The following CHCHD6 variants were observed in gnomAD, a reference collection of about 807,000 sequenced individuals.
The protein encoded by CHCHD6 is coiled-coil-helix-coiled-coil-helix domain containing 6.
A neutral mutation model predicts 32.3 loss-of-function variants in CHCHD6; 28 were observed. The ratio of observed to expected loss-of-function variants is 0.87; its 90% CI spans 0.64 to 1.19. The LOEUF (loss-of-function observed/expected upper bound fraction) is 1.19, where lower values mean the gene tolerates loss of function less well. CHCHD6 is among the 50% of genes most tolerant of loss of function. The probability of loss-of-function intolerance (pLI) is 0.00; values close to 1 mark genes in which losing one functional copy is unlikely to be tolerated. For missense variants in CHCHD6, 333 were observed against 307.0 expected, an observed-to-expected ratio of 1.08 and a Z score of -0.63; for synonymous variants, 122 against 117.5, an observed-to-expected ratio of 1.04 and a Z score of -0.25.
intron 5 of CHCHD6, among the ~76,000 whole-genome samples, chr3:126,903,977 C>T (rs900581982): frequency 4.5e-4 from 68 of 152,334 alleles, no homozygotes; most frequent in African/African-American, 1.6e-3. Context: ...TTACCTTTCA[C>T]GTACCATAGC....
intron 4 of CHCHD6, among the ~76,000 whole-genome samples, chr3:126,741,341 A>AAT (rs1936280912): frequency 6.7e-6 from 1 of 148,414 alleles, no homozygotes; most frequent in South Asian, 2.1e-4. Flanking sequence ...CAAATCAGTG[A>AAT]TTTTTTTTTT....
chr3:126,953,023 A>C, intron 6 of CHCHD6: 1 of 985,442 alleles, frequency 1.0e-6, no homozygotes, highest in East Asian at 1.1e-4. Flanking sequence ...TGATTCCTTC[A>C]GGGCCACACT....
chr3:126,838,359 G>A (rs1290966416), intron 4 of CHCHD6, among the ~76,000 whole-genome samples: 1 of 152,148 alleles, frequency 6.6e-6, no homozygotes, highest in African/African-American at 2.4e-5. Flanking sequence ...TGGAAAGTGA[G>A]GAAGATGACC....
rs561149993 is a variant in CHCHD6, at chr3:126,960,332, C to A, written c.*131C>A. The stretch of plus-strand genomic sequence containing the variant: ...CATATGCCCCTGAGCCTGGGGCTGC[C>A]ACGTGTTTAGGAAACAAAGTATGCG... On this transcript the variant is annotated 3_prime_UTR_variant, in exon 8 of 8. Transcript: ENST00000290913. The A allele has an allele frequency of 1.9e-6, 2 of 1,074,142 alleles. No homozygotes were observed. The highest frequency in any genetic ancestry group is 1.4e-5 in the South Asian group (1 of 73,130). 66.5% of individuals were successfully genotyped at this position (1,074,142 alleles called of 1,614,324 possible). A position where few individuals can be genotyped will look rare whatever the true frequency, so the allele number is the denominator to read the frequency against.
chr3:126,734,050 GAA>G, intron 4 of CHCHD6, among the ~76,000 whole-genome samples: 1 of 152,286 alleles, frequency 6.6e-6, no homozygotes, highest in South Asian at 2.1e-4. Context: ...CTCAGTAGAA[GAA>G]GAGAGGCTGT....
chr3:126,956,600 CGAGAGAGA>C (rs58750065), intron 6 of CHCHD6, among the ~76,000 whole-genome samples: 82,532 of 149,660 alleles, frequency 0.55, 24,501 homozygotes, highest in Non-Finnish European at 0.67. Context: ...AGTGTGCGCA[CGAGAGAGA>C]GAGAGAGAGA....
intron 6 of CHCHD6, among the ~76,000 whole-genome samples, chr3:126,920,913 A>G (rs2078237191): frequency 6.6e-6 from 1 of 152,174 alleles, no homozygotes; most frequent in African/African-American, 2.4e-5. Flanking sequence ...CTCAAGTCCT[A>G]GTTGCGTTGG....
At chr3:126,832,289 A>G (rs1173647383) in intron 4 of CHCHD6, among the ~76,000 whole-genome samples, 1 of 152,198 alleles carries the variant, frequency 6.6e-6, no homozygotes, top group Non-Finnish European at 1.5e-5. Context: ...TGTTGAATGA[A>G]TATCTCCTGT....
At chr3:126,775,858 T>C (rs1937631643) in intron 4 of CHCHD6, among the ~76,000 whole-genome samples, 2 of 152,218 alleles carry the variant, frequency 1.3e-5, no homozygotes, top group African/African-American at 4.8e-5. Context: ...TGGGGTCATG[T>C]TCCTCAGAAC....
intron 5 of CHCHD6, among the ~76,000 whole-genome samples, chr3:126,853,272 A>C (rs1048996595): frequency 4.7e-5 from 7 of 148,006 alleles, no homozygotes; most frequent in Non-Finnish European, 7.4e-5. Context: ...AAAAAAAAAA[A>C]CCCCTACCAC....
intron 5 of CHCHD6, among the ~76,000 whole-genome samples, chr3:126,854,458 A>G (rs1274286653): frequency 6.6e-6 from 1 of 152,226 alleles, no homozygotes; most frequent in Non-Finnish European, 1.5e-5. Flanking sequence ...GAAAGGAGGC[A>G]GAAGAATGAG....
intron 6 of CHCHD6, among the ~76,000 whole-genome samples, chr3:126,930,108 G>A (rs9289286): frequency 0.034 from 5,160 of 152,240 alleles, 296 homozygotes; most frequent in African/African-American, 0.12. Context: ...CTGTCAGGCC[G>A]CTGCATGCCC....
chr3:126,752,429 T>A (rs1272587457), intron 4 of CHCHD6, among the ~76,000 whole-genome samples: 1 of 152,152 alleles, frequency 6.6e-6, no homozygotes, highest in Non-Finnish European at 1.5e-5. Context: ...GGCCACTTGT[T>A]GGCTGGAAGA....
intron 6 of CHCHD6, among the ~76,000 whole-genome samples, chr3:126,948,450 T>C (rs1235772422): frequency 6.6e-6 from 1 of 152,226 alleles, no homozygotes; most frequent in Non-Finnish European, 1.5e-5. Flanking sequence ...TGTTGTGGTC[T>C]CTGTGTCTCC....
chr3:126,843,803 T>C (rs780955230), intron 4 of CHCHD6, among the ~76,000 whole-genome samples: 52 of 152,334 alleles, frequency 3.4e-4, no homozygotes, highest in African/African-American at 1.1e-3. Flanking sequence ...ATTCACTTTT[T>C]CAGCCTTTCA....
intron 1 of CHCHD6, among the ~76,000 whole-genome samples, chr3:126,725,849 CCTCT>C (rs1253112070): frequency 6.6e-6 from 1 of 152,230 alleles, no homozygotes; most frequent in African/African-American, 2.4e-5. Flanking sequence ...AGCTTCCTCA[CCTCT>C]CTCAGCCTTG....
intron 5 of CHCHD6, among the ~76,000 whole-genome samples, chr3:126,871,183 C>T (rs914616730): frequency 1.3e-5 from 2 of 152,180 alleles, no homozygotes; most frequent in African/African-American, 4.8e-5. Context: ...AGCTCTTTCT[C>T]TCTATCATCT....
intron 5 of CHCHD6, among the ~76,000 whole-genome samples, chr3:126,881,235 A>G (rs2077605074): frequency 1.3e-5 from 2 of 152,224 alleles, no homozygotes; most frequent in African/African-American, 4.8e-5. Flanking sequence ...GCAAAATACA[A>G]TGGGTAGAGC....
At chr3:126,871,217 A>C (rs773883311) in intron 5 of CHCHD6, among the ~76,000 whole-genome samples, 1 of 152,152 alleles carries the variant, frequency 6.6e-6, no homozygotes, top group Admixed American at 6.5e-5. Flanking sequence ...CTTTCACCCC[A>C]GTATGGGCCT....
Sources: gnomAD v4.1 joint callset for allele counts (sites outside exome capture counted in the v4.1 genomes callset) on GRCh38, gnomAD v4.1.1 for gene constraint, MANE v1.5 for transcripts, NCBI Gene and HGNC (gene_info 2026-07-23, HGNC 2026-07-21) for gene names.